The following NEBL variants were observed in gnomAD, a reference collection of about 807,000 sequenced individuals.
NEBL encodes nebulette, also known as LIM and SH3 protein 2.
NEBL carries 122 observed loss-of-function variants against 140.2 expected under a neutral mutation model. The observed-to-expected ratio is 0.87, with a 90% CI of 0.75 to 1.01. The LOEUF is 1.01. Ranked by LOEUF, NEBL falls within the 50% of genes least tolerant of loss-of-function variation. The probability of loss-of-function intolerance (pLI) is 0.00; values close to 1 mark genes in which losing one functional copy is unlikely to be tolerated. For synonymous variants in NEBL, 436 were observed against 398.9 expected, an observed-to-expected ratio of 1.09 and a Z score of -1.11; for missense variants, 1,365 against 1,231.3, an observed-to-expected ratio of 1.11 and a Z score of -1.62.
At chr10:21,213,135 A>G (rs1841942417) in intron 3 of NEBL, among the ~76,000 whole-genome samples, 1 of 152,184 alleles carries the variant, frequency 6.6e-6, no homozygotes, top group African/African-American at 2.4e-5. Context: ...ATGGTTGCCC[A>G]AAGTTGGATT....
chr10:20,815,619 A>T lies in NEBL; in HGVS notation c.2241+6T>A. The T allele has an allele frequency of 6.3e-7, 1 of 1,592,600 alleles. No homozygotes were observed. Among genetic ancestry groups the T allele is most frequent in the South Asian group, 1.1e-5 (1 of 90,636 alleles). On this transcript the variant is annotated splice_donor_region_variant and intron_variant, in intron 22 of 27. Coordinates refer to ENST00000377122, the MANE Select transcript of NEBL (RefSeq NM_006393.3). ...GTGATAGTCTAAAATGAAGAAAACC[A>T]CTTGCCGAGCTAATATTTTCTTGAT... is the stretch of plus-strand genomic sequence containing the variant.
intron 3 of NEBL, among the ~76,000 whole-genome samples, chr10:21,227,653 T>TTTCTTCTTC (rs549558619): frequency 0.01 from 835 of 83,208 alleles, 66 homozygotes; most frequent in Non-Finnish European, 0.015. Flanking sequence ...GCACTTGAAG[T>TTTCTTCTTC]TTCTTCTTCT....
At chr10:20,977,985 T>C (rs1202201065) in intron 3 of NEBL, among the ~76,000 whole-genome samples, 2 of 152,238 alleles carry the variant, frequency 1.3e-5, no homozygotes, top group Admixed American at 1.3e-4. Context: ...AGGGAATAGA[T>C]TACATTGAAA....
intron 2 of NEBL, among the ~76,000 whole-genome samples, chr10:21,085,549 C>G (rs538265718): frequency 6.6e-6 from 1 of 152,246 alleles, no homozygotes; most frequent in South Asian, 2.1e-4. Context: ...GCTGGAGGAT[C>G]ATTTGAGCCC....
intron 9 of NEBL, among the ~76,000 whole-genome samples, chr10:20,853,609 G>A (rs1453687354): frequency 6.6e-6 from 1 of 152,086 alleles, no homozygotes; most frequent in African/African-American, 2.4e-5. Context: ...CTAAAATAGT[G>A]AGACCCCAGT....
At chr10:21,220,989 T>G (rs1842058678) in intron 3 of NEBL, among the ~76,000 whole-genome samples, 1 of 151,998 alleles carries the variant, frequency 6.6e-6, no homozygotes, top group South Asian at 2.1e-4. Flanking sequence ...ACTCCATGTC[T>G]ACAAAAAATT....
intron 11 of NEBL, chr10:20,845,611 A>C: frequency 2.4e-6 from 1 of 424,590 alleles, no homozygotes; most frequent in Non-Finnish European, 4.3e-6. Context: ...GCTTCCTAAC[A>C]TCTTACTAGC....
chr10:21,174,208 G>A (rs1841226507), upstream of NEBL: 1 of 216,046 alleles, frequency 4.6e-6, no homozygotes, highest in Non-Finnish European at 8.0e-6. Context: ...CGGCGCGCCC[G>A]GACCGAAGTG....
Position 21,028,772 on chromosome 10 carries a change from AT to A in NEBL, c.165-8572del, listed in dbSNP as rs201528218. On this transcript the variant is annotated intron_variant, in intron 2 of 6. Coordinates refer to the NEBL transcript ENST00000417816. ...AGAACCAAAAATCTAACTCAATATA[AT>A]TTAAAAAAAAAAATGAAGACAGAGA... is the stretch of plus-strand genomic sequence containing the variant. 5.2e-3 allele frequency among the ~76,000 whole-genome samples: 783 copies of A among 151,908 alleles called. 9 individuals carry two copies. The highest frequency in any genetic ancestry group is 0.018 in the African/African-American group (741 of 41,378).
chr10:20,920,803 C>A (rs562301883), intron 4 of NEBL, among the ~76,000 whole-genome samples: 1 of 152,020 alleles, frequency 6.6e-6, no homozygotes, highest in South Asian at 2.1e-4. Flanking sequence ...CAAACTCTAC[C>A]ATTTGAAATC....
At chr10:21,177,657 G>A (rs1277407392), upstream of NEBL, among the ~76,000 whole-genome samples, 1 of 151,896 alleles carries the variant, frequency 6.6e-6, no homozygotes, top group East Asian at 1.9e-4. Flanking sequence ...AGCCTCCCGA[G>A]TAGCTGGGAC....
chr10:21,195,861 C>A (rs1193956721), intron 3 of NEBL, among the ~76,000 whole-genome samples: 1 of 152,130 alleles, frequency 6.6e-6, no homozygotes, highest in Non-Finnish European at 1.5e-5. Flanking sequence ...TACAAGCACT[C>A]TGTAAATATT....
At chr10:21,142,375 C>G (rs1156253572) in intron 2 of NEBL, among the ~76,000 whole-genome samples, 1 of 152,126 alleles carries the variant, frequency 6.6e-6, no homozygotes, top group Non-Finnish European at 1.5e-5. Context: ...CACAGGACAC[C>G]ACCCCAGAAG....
At chr10:20,892,053 C>G (rs924319615) in intron 2 of NEBL, among the ~76,000 whole-genome samples, 2 of 152,176 alleles carry the variant, frequency 1.3e-5, no homozygotes, top group African/African-American at 2.4e-5. Context: ...ATGTCTACAT[C>G]TTACAATTTC....
chr10:21,102,521 T>C (rs868392213), intron 2 of NEBL, among the ~76,000 whole-genome samples: 2 of 152,236 alleles, frequency 1.3e-5, no homozygotes, highest in African/African-American at 4.8e-5. Context: ...AATTGAGCCA[T>C]ATAGTGTGGA....
chr10:21,133,171 C>G (rs1051483426), intron 2 of NEBL, among the ~76,000 whole-genome samples: 1 of 152,160 alleles, frequency 6.6e-6, no homozygotes, highest in Non-Finnish European at 1.5e-5. Context: ...CAATTTTACT[C>G]TTTTACCAGC....
chr10:21,122,974 T>C (rs1452176268), intron 2 of NEBL, among the ~76,000 whole-genome samples: 1 of 152,124 alleles, frequency 6.6e-6, no homozygotes, highest in African/African-American at 2.4e-5. Flanking sequence ...GCTGCTGGGG[T>C]CATAGAAGAT....
intron 26 of NEBL, among the ~76,000 whole-genome samples, chr10:20,805,865 A>G (rs1837568029): frequency 6.6e-6 from 1 of 151,660 alleles, no homozygotes; most frequent in African/African-American, 2.4e-5. Context: ...AAAAAAAAAA[A>G]AGTCAACTTT....
In NEBL at chr10:20,788,230, G is replaced by A. The variant is rs971381502; in HGVS notation, c.2762-922C>T. On this transcript the variant is annotated intron_variant, in intron 26 of 27. Coordinates refer to ENST00000377122, the MANE Select transcript of NEBL (RefSeq NM_006393.3). ...ATGAGCTATAAATGAGGGTATTTTC[G>A]TAGCGTGCCCTTCATTGTCTTTTGA... 1.8e-4 allele frequency among the ~76,000 whole-genome samples: 27 copies of A among 152,186 alleles called. 1 individual carries two copies. Among genetic ancestry groups the A allele is most frequent in the East Asian group, 7.7e-4 (4 of 5,180 alleles).
Sources: gnomAD v4.1 joint callset for allele counts (sites outside exome capture counted in the v4.1 genomes callset) on GRCh38, gnomAD v4.1.1 for gene constraint, MANE v1.5 for transcripts, NCBI Gene and HGNC (gene_info 2026-07-23, HGNC 2026-07-21) for gene names.